Variants in ABHD4 observed in about 807,000 individuals in gnomAD.
ABHD4 encodes abhydrolase domain containing 4, N-acyl phospholipase B, also known as (Lyso)-N-acylphosphatidylethanolamine lipase.
In ABHD4, 35 loss-of-function variants were observed where a neutral mutation model predicts 42.3. The observed-to-expected ratio is 0.83, with a 90% CI of 0.63 to 1.10. The LOEUF (loss-of-function observed/expected upper bound fraction) is 1.10, where lower values mean the gene tolerates loss of function less well. ABHD4 is among the 50% of genes least tolerant of loss of function. The pLI is 0.00. For synonymous variants in ABHD4, 169 were observed against 170.6 expected (o/e 0.99, Z 0.07); for missense variants, 389 against 454.8 (o/e 0.86, Z 1.32).
At chr14:22,603,290 G>C (rs1004481246) in intron 2 of ABHD4, 100 bp from the exon 3 acceptor site, 26 of 1,478,168 alleles carry the variant, frequency 1.8e-5, no homozygotes, top group African/African-American at 2.8e-5. Flanking sequence ...GTTGGGGAGG[G>C]TTCGGGAATG....
At chr14:22,598,603 C>A in intron 1 of ABHD4, 1 of 799,390 alleles carries the variant, frequency 1.3e-6, no homozygotes, top group Non-Finnish European at 2.0e-6. Flanking sequence ...TCATTCTCCT[C>A]TGGCCTCTGG....
At chr14:22,604,197 T>A in intron 4 of ABHD4, 118 bp downstream of exon 4, 1 of 1,188,360 alleles carries the variant, frequency 8.4e-7, no homozygotes, top group Non-Finnish European at 1.2e-6. Context: ...TTTAAAGCTG[T>A]TAATCTGAAC....
chr14:22,606,562 G>GGA, intron 5 of ABHD4, 29 bp downstream of exon 5: 2 of 1,507,614 alleles, frequency 1.3e-6, no homozygotes, highest in Non-Finnish European at 1.8e-6. Context: ...GCCAGCTTGG[G>GGA]GCAGACAGTT....
At chr14:22,603,289 G>T (rs8023110) in intron 2 of ABHD4, 101 bp from the exon 3 acceptor site, 325,768 of 1,446,050 alleles carry the variant, frequency 0.23, 43,146 homozygotes, top group African/African-American at 0.58. Context: ...AGTTGGGGAG[G>T]GTTCGGGAAT....
At position 22,611,295 on chromosome 14, in the gene ABHD4, A is replaced by C. The variant is rs2037412736; in HGVS notation, c.*347A>C. 8.2e-6 allele frequency: 2 copies of C among 244,934 alleles called. No homozygotes were observed. Among genetic ancestry groups the C allele is most frequent in the East Asian group, 1.8e-4 (2 of 11,406 alleles). 15.2% of individuals were successfully genotyped at this position (244,934 alleles called of 1,614,324 possible). ...CTCTGTGGCCTTTCTTCCTCTGGGCAAAGAAGGGCTTCCAGTGGCCTTTCC... is the reference window on the plus strand; with the variant it reads ...CTCTGTGGCCTTTCTTCCTCTGGGCCAAGAAGGGCTTCCAGTGGCCTTTCC... On this transcript the variant is annotated 3_prime_UTR_variant, in exon 7 of 7. Coordinates refer to ENST00000428304, the MANE Select transcript of ABHD4 (RefSeq NM_022060.3).
At position 22,610,923 on chromosome 14, in the gene ABHD4, A is replaced by G. The variant is rs533841122; in HGVS notation, c.1004A>G (p.Glu335Gly). 1.0e-4 allele frequency: 168 copies of G among 1,614,102 alleles called. 1 individual carries two copies. In the South Asian group the frequency reaches 1.8e-3, roughly 17 times the overall value. Reference protein sequence around the residue: ...DQPHIFNAVVEEICDSVD With the variant: ...DQPHIFNAVVGEICDSVD ...CCACACATCTTCAATGCTGTGGTGGAGGAGATCTGCGACTCAGTTGATTGA... is the reference window on the plus strand; with the variant it reads ...CCACACATCTTCAATGCTGTGGTGGGGGAGATCTGCGACTCAGTTGATTGA... Residue 335 changes from glutamate to glycine, a missense_variant, in exon 7 of 7, where the codon GAG becomes GGG. By Grantham distance (98) the Glu-to-Gly change is moderately conservative. Around this residue, in one of 3 missense-constraint regions of ABHD4, gnomAD observed 249 missense variants for 254.4 expected, o/e 0.98. Coordinates refer to ENST00000428304, the MANE Select transcript of ABHD4 (RefSeq NM_022060.3).
rs748032634 is a variant in ABHD4, at chr14:22,609,788, C to T, written c.817C>T (p.Arg273Ter). 4 of 1,614,062 alleles carry T rather than the reference C, an allele frequency of 2.5e-6. No homozygotes were observed. Among genetic ancestry groups the T allele is most frequent in the South Asian group, 1.1e-5 (1 of 91,068 alleles). ...FGWARRPMLE[R>*]IHLIRKDVPI... Reference sequence around the variant, plus strand: ...CTGGGCCCGGCGCCCTATGCTGGAGCGAATTCACTTGATTCGAAAAGATGT... The same window carrying T: ...CTGGGCCCGGCGCCCTATGCTGGAGTGAATTCACTTGATTCGAAAAGATGT... The change falls in exon 6 of 7, where the codon CGA becomes TGA. Residue 273 changes from arginine to a stop codon, truncating the protein, a stop_gained. Coordinates refer to ENST00000428304, the MANE Select transcript of ABHD4 (RefSeq NM_022060.3). LOFTEE classifies it high-confidence loss of function.
rs535780352 is a variant in ABHD4 at position 22,605,588 on chromosome 14, A to G, written c.641-834A>G. 5.0e-4 allele frequency among the ~76,000 whole-genome samples: 76 copies of G among 152,304 alleles called. No homozygotes were observed. In the South Asian group the frequency reaches 9.1e-3, roughly 18 times the overall value. Reference sequence around the variant, plus strand: ...CAACAGAGTCTATAGTCCTTTGCCAAAAAGAAGGTCTGCTCGAGCTACTCT... The same window carrying G: ...CAACAGAGTCTATAGTCCTTTGCCAGAAAGAAGGTCTGCTCGAGCTACTCT... On this transcript the variant is annotated intron_variant, in intron 4 of 6. Coordinates refer to ENST00000428304, the MANE Select transcript of ABHD4 (RefSeq NM_022060.3).
intron 1 of ABHD4, among the ~76,000 whole-genome samples, chr14:22,599,471 G>A (rs889736268): frequency 5.3e-5 from 8 of 152,196 alleles, no homozygotes; most frequent in African/African-American, 1.7e-4. Flanking sequence ...TTAAGTTCAT[G>A]GCTGAATGTC....
At chr14:22,608,824 C>T (rs1172335055) in intron 5 of ABHD4, among the ~76,000 whole-genome samples, 1 of 152,212 alleles carries the variant, frequency 6.6e-6, no homozygotes, top group Non-Finnish European at 1.5e-5. Context: ...GCCTCAGCCT[C>T]CCAAGTAGCT....
At chr14:22,605,840 C>A in intron 4 of ABHD4, 1 of 1,288,770 alleles carries the variant, frequency 7.8e-7, no homozygotes, top group Non-Finnish European at 1.0e-6. Flanking sequence ...GACCAGTAGA[C>A]CTCATTTTTA....
Position 22,610,744 on chromosome 14 carries a change from G to A in ABHD4, c.940-115G>A, listed in dbSNP as rs919321060. On this transcript the variant is annotated intron_variant, in intron 6 of 6. Transcript: ENST00000428304. Reference sequence around the variant, plus strand: ...GCGAGAAAGGTGGAGCATTATCTCTGATAAGAGCTCGTGGGTGGCAGGCAA... The same window carrying A: ...GCGAGAAAGGTGGAGCATTATCTCTAATAAGAGCTCGTGGGTGGCAGGCAA... 6.8e-5 allele frequency: 53 copies of A among 777,766 alleles called. 1 individual carries two copies. The Admixed American group carries it at 9.7e-4, about 14-fold the overall frequency. 48.2% of individuals were successfully genotyped at this position (777,766 alleles called of 1,614,324 possible).
At chr14:22,609,151 C>T (rs1275810414) in intron 5 of ABHD4, among the ~76,000 whole-genome samples, 3 of 151,642 alleles carry the variant, frequency 2.0e-5, no homozygotes, top group Non-Finnish European at 4.4e-5. Context: ...AAGCGCACCA[C>T]CACGCCCCGC....
At chr14:22,599,774 G>C (rs1166464105) in intron 1 of ABHD4, among the ~76,000 whole-genome samples, 1 of 152,162 alleles carries the variant, frequency 6.6e-6, no homozygotes. Flanking sequence ...TGTCTCTTAA[G>C]GCTGACAAAA....
At chr14:22,600,512 G>T (rs372639642) in intron 1 of ABHD4, among the ~76,000 whole-genome samples, 5 of 152,286 alleles carry the variant, frequency 3.3e-5, no homozygotes, top group East Asian at 1.9e-4. Flanking sequence ...GTATCAGGAT[G>T]CCCAGTGTGG....
rs201599442 is a variant in ABHD4 at position 22,603,749 on chromosome 14, A to C, written c.472A>C (p.Lys158Gln). Reference protein sequence around the residue: ...GGFLATSYSIKYPDRVKHLIL... With the variant: ...GGFLATSYSIQYPDRVKHLIL... ...ATTCCTGGCCACTTCTTACTCAATC[A>C]AGTACCCTGATAGGTAATAAGGAGA... The change falls in exon 3 of 7, where the codon AAG becomes CAG. Residue 158 changes from lysine (K) to glutamine (Q), a missense_variant. Around this residue, in one of 3 missense-constraint regions of ABHD4, gnomAD observed 249 missense variants for 254.4 expected, o/e 0.98. Coordinates refer to ENST00000428304, the MANE Select transcript of ABHD4 (RefSeq NM_022060.3). 3.2e-6 allele frequency: 5 copies of C among 1,580,978 alleles called. No individual in the cohort carries two copies. The highest frequency in any genetic ancestry group is 4.5e-5 in the East Asian group (2 of 44,610).
rs1355164902 is a variant in ABHD4, at chr14:22,603,380, T to C, written c.113-10T>C. 1 of 1,614,040 alleles carries C rather than the reference T, an allele frequency of 6.2e-7. No homozygotes were observed. Among genetic ancestry groups the C allele is most frequent in the Non-Finnish European group, 8.5e-7 (1 of 1,179,988 alleles). ...CTTATTGACTTACCATGGGATTCTT[T>C]CCTCCCCAGGTCTCCAGAATAAGTT... On this transcript the variant is annotated splice_polypyrimidine_tract_variant and intron_variant, in intron 2 of 6. Transcript: ENST00000428304.
Position 22,609,846 on chromosome 14 carries a change from G to A in ABHD4, c.875G>A (p.Trp292Ter), listed in dbSNP as rs1372770944. 1 of 1,614,098 alleles carries A rather than the reference G, an allele frequency of 6.2e-7. No individual in the cohort carries two copies. The highest frequency in any genetic ancestry group is 8.5e-7 in the Non-Finnish European group (1 of 1,180,016). The change falls in exon 6 of 7, where the codon TGG becomes TAG. Residue 292 changes from tryptophan (W) to a stop codon, truncating the protein, a stop_gained. Coordinates refer to ENST00000428304, the MANE Select transcript of ABHD4 (RefSeq NM_022060.3). LOFTEE classifies it high-confidence loss of function. ...ACTATGATCTACGGGTCCGACACCTGGATAGATACCAGTACGGGAAAAAAG... is the reference window on the plus strand; with the variant it reads ...ACTATGATCTACGGGTCCGACACCTAGATAGATACCAGTACGGGAAAAAAG... The part of the protein sequence containing the change: ...PITMIYGSDT[W>*]IDTSTGKKVK...
chr14:22,607,375 G>A (rs1381089316), intron 5 of ABHD4, among the ~76,000 whole-genome samples: 1 of 152,144 alleles, frequency 6.6e-6, no homozygotes, highest in Non-Finnish European at 1.5e-5. Flanking sequence ...CCGAGCTGCT[G>A]GGAGGTATCT....
Sources: allele counts gnomAD v4.1 joint callset (sites outside exome capture counted in the v4.1 genomes callset), GRCh38; gene constraint gnomAD v4.1.1; regional missense constraint gnomAD v4.1.1; transcripts MANE v1.5; gene names NCBI Gene and HGNC (gene_info 2026-07-23, HGNC 2026-07-21).